The following LRPAP1 variants were observed in gnomAD, a reference collection of about 807,000 sequenced individuals.
The protein encoded by LRPAP1 is LDL receptor related protein associated protein 1.
LRPAP1 carries 41 observed loss-of-function variants against 39.9 expected under a neutral mutation model. The ratio of observed to expected loss-of-function variants is 1.03; its 90% confidence interval spans 0.80 to 1.33. The LOEUF (loss-of-function observed/expected upper bound fraction) is 1.33. LRPAP1 is among the 40% of genes most tolerant of loss of function. The pLI is 0.00. For missense variants in LRPAP1, 565 were observed against 482.3 expected, an observed-to-expected ratio of 1.17 and a Z score of -1.61; for synonymous variants, 263 against 212.7, an observed-to-expected ratio of 1.24 and a Z score of -2.06.
At position 3,523,591 on chromosome 4, in the gene LRPAP1, G is replaced by T. The variant is rs151323265; in HGVS notation, c.349+1316C>A. Among the ~76,000 whole-genome samples, 26 of 152,278 alleles carry T rather than the reference G, an allele frequency of 1.7e-4. No individual in the cohort carries two copies. In the East Asian group the frequency reaches 4.8e-3, roughly 28 times the overall value. On this transcript the variant is annotated intron_variant, in intron 2 of 7. Transcript: ENST00000650182. ...CTCCAAATCTTTGCTGCACTACTCG[G>T]CTCTGCAACTCCAGACAAATCACCC...
chr4:3,517,077 A>G (rs891239154), intron 5 of LRPAP1, among the ~76,000 whole-genome samples: 9 of 152,046 alleles, frequency 5.9e-5, no homozygotes, highest in Admixed American at 5.2e-4. Context: ...CAGGCCTACA[A>G]GGTGGTCCAG....
chr4:3,508,968 C>T lies in LRPAP1; in HGVS notation c.*4006G>A, dbSNP rs1729433578. 4 of 152,166 alleles carry T rather than the reference C, an allele frequency of 2.6e-5. No homozygotes were observed. The highest frequency in any genetic ancestry group is 9.7e-5 in the African/African-American group (4 of 41,426). The allele number at this position is 152,166 out of a possible 1,614,324, so 9.4% of individuals were successfully genotyped here. On this transcript the variant is annotated 3_prime_UTR_variant, in exon 8 of 8. Transcript: ENST00000650182. ...CAGACAGAGGACACGCGTGTGCACA[C>T]GGAAACCCCACGAGTCCACAGAAAC...
Position 3,512,746 on chromosome 4 carries a change from C to G in LRPAP1, c.*228G>C. The G allele has an allele frequency of 3.6e-6, 2 of 551,796 alleles. No individual in the cohort carries two copies. Among genetic ancestry groups the G allele is most frequent in the Non-Finnish European group, 3.2e-6 (1 of 309,672 alleles). The allele number at this position is 551,796 out of a possible 1,614,324, so 34.2% of individuals were successfully genotyped here. ...TGCCACGCTGATGCTGAGTGGAAGC[C>G]AAGCCCCTTCAGTCAGAGCTGGGCC... On this transcript the variant is annotated 3_prime_UTR_variant, in exon 8 of 8. Coordinates refer to ENST00000650182, the MANE Select transcript of LRPAP1 (RefSeq NM_002337.4).
chr4:3,518,036 G>T lies in LRPAP1; in HGVS notation c.749C>A (p.Ala250Asp). The T allele has an allele frequency of 1.2e-6, 2 of 1,603,120 alleles. No homozygotes were observed. The highest frequency in any genetic ancestry group is 8.5e-7 in the Non-Finnish European group (1 of 1,175,446). The stretch of plus-strand genomic sequence containing the variant: ...AACAGTCCCGGGCGGGCACTCACCA[G>T]CCTCAGTGCTGTAGCCCTGGTGGCT... Reference protein sequence around the residue: ...RVSHQGYSTEAEFEEPRVIDL... With the variant: ...RVSHQGYSTEDEFEEPRVIDL... Residue 250 changes from alanine to aspartate, a missense_variant and splice_region_variant, in exon 5 of 8, where the codon GCT becomes GAT. By Grantham distance (126) the Ala-to-Asp change is moderately radical (BLOSUM62 -2). Transcript: ENST00000650182.
At chr4:3,513,074 G>A (rs1033673175) in intron 7 of LRPAP1, 38 bp from the exon 8 acceptor site, 28 of 1,526,652 alleles carry the variant, frequency 1.8e-5, no homozygotes, top group African/African-American at 6.9e-5. Context: ...GGGACAGCGC[G>A]CCTCGAGGCC....
intron 7 of LRPAP1, 103 bp from the exon 8 acceptor site, chr4:3,513,139 G>T: frequency 3.7e-6 from 3 of 819,398 alleles, no homozygotes; most frequent in Non-Finnish European, 5.9e-6. Context: ...AGGAAAAGGC[G>T]CAAGCCCTGC....
At chr4:3,531,144 C>A (rs532002690) in intron 1 of LRPAP1, among the ~76,000 whole-genome samples, 1 of 152,268 alleles carries the variant, frequency 6.6e-6, no homozygotes, top group East Asian at 1.9e-4. Context: ...CCACCTCCCA[C>A]CTCCGCAGGC....
rs1020455288 is a variant in LRPAP1, at chr4:3,531,249, C to G, written c.204+960G>C. ...CCAGGCGTCAATCCCCATCCCCACG[C>G]AGTCTTATAACCGTCTGTCGTCTGT... On this transcript the variant is annotated intron_variant, in intron 1 of 7. Coordinates refer to ENST00000650182, the MANE Select transcript of LRPAP1 (RefSeq NM_002337.4). Among the ~76,000 whole-genome samples, 3 of 152,290 alleles carry G rather than the reference C, an allele frequency of 2.0e-5. No individual in the cohort carries two copies. In the South Asian group the frequency reaches 6.2e-4, roughly 32 times the overall value.
Position 3,507,631 on chromosome 4 carries a change from C to T in LRPAP1, c.*5343G>A, listed in dbSNP as rs1393599791. On this transcript the variant is annotated 3_prime_UTR_variant, in exon 8 of 8. Coordinates refer to ENST00000650182, the MANE Select transcript of LRPAP1 (RefSeq NM_002337.4). ...CTGTATTATCCCATTCTTTCATATT[C>T]TTCATCAATGATCTAAGCCTCTATC... 2.0e-5 allele frequency: 3 copies of T among 152,036 alleles called. No homozygotes were observed. The highest frequency in any genetic ancestry group is 6.5e-5 in the Admixed American group (1 of 15,268). 9.4% of individuals were successfully genotyped at this position (152,036 alleles called of 1,614,324 possible).
At chr4:3,530,669 G>C (rs1189532238) in intron 1 of LRPAP1, among the ~76,000 whole-genome samples, 1 of 152,204 alleles carries the variant, frequency 6.6e-6, no homozygotes, top group Non-Finnish European at 1.5e-5. Context: ...ACAGTGCAGG[G>C]GCAGCCCGAG....
chr4:3,518,434 G>A (rs968571927), intron 4 of LRPAP1, among the ~76,000 whole-genome samples: 2 of 152,238 alleles, frequency 1.3e-5, no homozygotes, highest in African/African-American at 4.8e-5. Flanking sequence ...GACAGCTGGG[G>A]CACCAGGTCC....
chr4:3,514,953 G>A (rs781336895), intron 6 of LRPAP1, 25 bp from the exon 7 acceptor site: 1 of 1,610,552 alleles, frequency 6.2e-7, no homozygotes, highest in South Asian at 1.1e-5. Flanking sequence ...CCATAGGTGA[G>A]TGTTCCCTTC....
chr4:3,530,759 AGCTGGAGGTG>A (rs1240457389), intron 1 of LRPAP1, among the ~76,000 whole-genome samples: 9 of 152,346 alleles, frequency 5.9e-5, no homozygotes, highest in South Asian at 4.1e-4. Flanking sequence ...ACAGAGGACC[AGCTGGAGGTG>A]GCTGGAGGTA....
rs1341010787 is a variant in LRPAP1 at position 3,512,296 on chromosome 4, G to A, written c.*678C>T. 3 of 152,468 alleles carry A rather than the reference G, an allele frequency of 2.0e-5. No individual in the cohort carries two copies. Among genetic ancestry groups the A allele is most frequent in the Non-Finnish European group, 4.4e-5 (3 of 68,192 alleles). 9.4% of individuals were successfully genotyped at this position (152,468 alleles called of 1,614,324 possible). ...CTGCAGGTTTGGTGAGGTCTCCCGA[G>A]GTCCCTGAGCTGCAGAGGTGAGAGT... is the stretch of plus-strand genomic sequence containing the variant. On this transcript the variant is annotated 3_prime_UTR_variant, in exon 8 of 8. Transcript: ENST00000650182.
intron 1 of LRPAP1, among the ~76,000 whole-genome samples, chr4:3,529,859 T>A (rs956630386): frequency 3.9e-5 from 6 of 152,158 alleles, no homozygotes; most frequent in African/African-American, 1.2e-4. Flanking sequence ...TGGCTTTACA[T>A]GCAGAAAACA....
chr4:3,513,784 C>T lies in LRPAP1; in HGVS notation c.1012-748G>A, dbSNP rs186933663. Among the ~76,000 whole-genome samples, 3 of 152,346 alleles carry T rather than the reference C, an allele frequency of 2.0e-5. No homozygotes were observed. The East Asian group carries it at 5.8e-4, about 29-fold the overall frequency. Reference sequence around the variant, plus strand: ...AGTGGCAGCAGGTGCTGCGTCAGCCCAGCCTGGGCTGGGGTCACTGTAGCT... The same window carrying T: ...AGTGGCAGCAGGTGCTGCGTCAGCCTAGCCTGGGCTGGGGTCACTGTAGCT... On this transcript the variant is annotated intron_variant, in intron 7 of 7. Transcript: ENST00000650182.
At chr4:3,524,452 G>A (rs541276144) in intron 2 of LRPAP1, among the ~76,000 whole-genome samples, 124 of 152,270 alleles carry the variant, frequency 8.1e-4, no homozygotes, top group African/African-American at 2.9e-3. Context: ...GCTGTCCTCC[G>A]GCCCCTTCCT....
At chr4:3,517,470 CGTGA>C (rs1295351781) in intron 5 of LRPAP1, among the ~76,000 whole-genome samples, 2 of 152,236 alleles carry the variant, frequency 1.3e-5, no homozygotes, top group Non-Finnish European at 2.9e-5. Context: ...TCGGAAGCTG[CGTGA>C]GTGAGGCCAG....
chr4:3,525,832 A>G (rs953990851), intron 1 of LRPAP1, among the ~76,000 whole-genome samples: 3 of 152,254 alleles, frequency 2.0e-5, no homozygotes, highest in Admixed American at 6.5e-5. Context: ...GACAGGATTT[A>G]GGCCAAGAGT....
Sources: gnomAD v4.1 joint callset for allele counts (sites outside exome capture counted in the v4.1 genomes callset) on GRCh38, gnomAD v4.1.1 for gene constraint, MANE v1.5 for transcripts, NCBI Gene and HGNC (gene_info 2026-07-23, HGNC 2026-07-21) for gene names.